The following LYPD3 variants were observed in gnomAD, a reference collection of about 807,000 sequenced individuals.
LYPD3 encodes LY6/PLAUR domain containing 3.
A neutral mutation model predicts 21.7 loss-of-function variants in LYPD3; 22 were observed. The observed-to-expected ratio is 1.01, with a 90% CI of 0.72 to 1.45. The LOEUF is 1.45. Among genes scored for constraint, LYPD3 ranks in the 40% most tolerant of loss-of-function variants. LYPD3 has a pLI of 0.00. For missense variants in LYPD3, 471 were observed against 466.9 expected (o/e 1.01, Z -0.08); for synonymous variants, 179 against 203.0 (o/e 0.88, Z 1.00).
Position 43,463,137 on chromosome 19 carries a change from G to A in LYPD3, c.533C>T (p.Thr178Ile). 1.9e-6 allele frequency: 3 copies of A among 1,612,046 alleles called. No individual in the cohort carries two copies. The highest frequency in any genetic ancestry group is 2.5e-6 in the Non-Finnish European group (3 of 1,179,990). The change falls in exon 4 of 5, where the codon ACC becomes ATC. Residue 178 changes from threonine (T) to isoleucine (I), a missense_variant. By Grantham distance (89) the Thr-to-Ile change is moderately conservative (BLOSUM62 -1). Coordinates refer to ENST00000244333, the MANE Select transcript of LYPD3 (RefSeq NM_014400.3). ...CGGGGCTCCCTCACCTGCCGTCAAGGTGACGTTGCCGTCGAAGCAGCCCTT... is the reference window on the plus strand; with the variant it reads ...CGGGGCTCCCTCACCTGCCGTCAAGATGACGTTGCCGTCGAAGCAGCCCTT... ...VYKGCFDGNV[T>I]LTAANVTVSL... is the part of the protein sequence containing the mutation.
At chr19:43,463,844 T>A in intron 2 of LYPD3, 75 bp from the exon 3 acceptor site, 1 of 1,447,966 alleles carries the variant, frequency 6.9e-7, no homozygotes, top group Non-Finnish European at 9.6e-7. Flanking sequence ...TTGGGTAGGG[T>A]CTGGGAGGGG....
Position 43,461,727 on chromosome 19 carries a change from T to C in LYPD3, c.665A>G (p.Asn222Ser). The change falls in exon 5 of 5, where the codon AAC becomes AGC. Residue 222 changes from asparagine (N) to serine (S), a missense_variant. Coordinates refer to ENST00000244333, the MANE Select transcript of LYPD3 (RefSeq NM_014400.3). ...SGSCCQGSRC[N>S]SDLRNKTYFS... The stretch of plus-strand genomic sequence containing the variant: ...GTAGGTCTTGTTGCGGAGGTCAGAG[T>C]TACAGCGGGACCCCTGGCAACAGGA... 1 of 1,613,526 alleles carries C rather than the reference T, an allele frequency of 6.2e-7. No homozygotes were observed. The highest frequency in any genetic ancestry group is 8.5e-7 in the Non-Finnish European group (1 of 1,179,834).
At chr19:43,463,841 G>A (rs556609946) in intron 2 of LYPD3, 72 bp from the exon 3 acceptor site, 2 of 1,459,792 alleles carry the variant, frequency 1.4e-6, no homozygotes, top group Admixed American at 1.7e-5. Context: ...GAGTTGGGTA[G>A]GGTCTGGGAG....
chr19:43,462,783 G>T (rs986396521), intron 4 of LYPD3, among the ~76,000 whole-genome samples: 1 of 152,204 alleles, frequency 6.6e-6, no homozygotes, highest in Non-Finnish European at 1.5e-5. Flanking sequence ...ACAGGCGGGG[G>T]ACCCCTTGAG....
Position 43,461,790 on chromosome 19 carries a change from C to G in LYPD3, c.602G>C (p.Arg201Pro). 11 of 1,614,088 alleles carry G rather than the reference C, an allele frequency of 6.8e-6. No homozygotes were observed. Among genetic ancestry groups the G allele is most frequent in the Non-Finnish European group, 9.3e-6 (11 of 1,179,994 alleles). The change falls in exon 5 of 5, where the codon CGG (arginine) becomes CCG (proline). Residue 201 changes from arginine to proline, a missense_variant. Coordinates refer to ENST00000244333, the MANE Select transcript of LYPD3 (RefSeq NM_014400.3). ...RGCVQDEFCT[R>P]DGVTGPGFTL... is the part of the protein sequence containing the mutation. ...GAACCCTGGGCCTGTTACTCCATCC[C>G]GAGTGCAGAATTCATCCTGGACACA...
intron 1 of LYPD3, 135 bp from the exon 2 acceptor site, chr19:43,464,591 G>T: frequency 1.7e-6 from 2 of 1,170,548 alleles, no homozygotes; most frequent in Non-Finnish European, 1.2e-6. Context: ...GGCAGGAGTA[G>T]GGAAAAGCTT....
chr19:43,463,855 C>G, intron 2 of LYPD3, 86 bp from the exon 3 acceptor site: 11 of 1,221,016 alleles, frequency 9.0e-6, no homozygotes, highest in South Asian at 1.2e-5. Context: ...CTGGGAGGGG[C>G]GGGGCCTCAA....
rs202084369 is a variant in LYPD3, at chr19:43,461,739, C to T, written c.653G>A (p.Gly218Glu). The change falls in exon 5 of 5, where the codon GGG becomes GAG. Residue 218 changes from glycine to glutamate, a missense_variant. Gly to Glu is a moderately conservative substitution (Grantham distance 98, BLOSUM62 -2). Coordinates refer to ENST00000244333, the MANE Select transcript of LYPD3 (RefSeq NM_014400.3). The part of the protein sequence containing the change: ...GFTLSGSCCQ[G>E]SRCNSDLRNK... ...GCGGAGGTCAGAGTTACAGCGGGACCCCTGGCAACAGGAGCCACTGAGCGT... is the reference window on the plus strand; with the variant it reads ...GCGGAGGTCAGAGTTACAGCGGGACTCCTGGCAACAGGAGCCACTGAGCGT... 85 of 1,614,098 alleles carry T rather than the reference C, an allele frequency of 5.3e-5. No homozygotes were observed. The East Asian group carries it at 1.7e-3, about 32-fold the overall frequency.
In LYPD3 at chr19:43,461,473, T is replaced by A. The variant is rs1448606709; in HGVS notation, c.919A>T (p.Ser307Cys). ...TGGAAGHQDR[S>C]NSGQYPAKGG... The stretch of plus-strand genomic sequence containing the variant: ...TTTGCAGGATACTGCCCTGAATTGC[T>A]GCGGTCCTGGTGGCCAGCGGCGCCT... Residue 307 changes from serine to cysteine, a missense_variant, in exon 5 of 5, where the codon AGC becomes TGC. By Grantham distance (112) the Ser-to-Cys change is moderately radical (BLOSUM62 -1). Coordinates refer to ENST00000244333, the MANE Select transcript of LYPD3 (RefSeq NM_014400.3). 6.2e-7 allele frequency: 1 copy of A among 1,614,210 alleles called. No homozygotes were observed. Among genetic ancestry groups the A allele is most frequent in the Non-Finnish European group, 8.5e-7 (1 of 1,180,044 alleles).
intron 1 of LYPD3, among the ~76,000 whole-genome samples, 169 bp downstream of exon 1, chr19:43,465,324 G>A (rs554797133): frequency 6.6e-6 from 1 of 152,200 alleles, no homozygotes; most frequent in South Asian, 2.1e-4. Context: ...GGCCCATGGT[G>A]GAGGACCCTT....
In LYPD3 at chr19:43,465,596, C is replaced by A; in HGVS notation, c.-25G>T. ...TGGCTCCGTCCTGCTCCCTTGGCGTCCCCCCTGGATGTGCCGCCTCCGAGC... is the reference window on the plus strand; with the variant it reads ...TGGCTCCGTCCTGCTCCCTTGGCGTACCCCCTGGATGTGCCGCCTCCGAGC... On this transcript the variant is annotated 5_prime_UTR_variant, in exon 1 of 5. Transcript: ENST00000244333. The A allele has an allele frequency of 2.5e-6, 4 of 1,602,128 alleles. No homozygotes were observed. The South Asian group carries it at 3.3e-5, about 13-fold the overall frequency.
In LYPD3 at chr19:43,461,663, AG is replaced by A. The variant is rs762554464; in HGVS notation, c.728del (p.Pro243LeufsTer21). 8 of 1,613,816 alleles carry A rather than the reference AG, an allele frequency of 5.0e-6. No homozygotes were observed. In the Admixed American group the frequency reaches 5.0e-5, roughly 10 times the overall value. On this transcript the variant is annotated frameshift_variant, in exon 5 of 5. Transcript: ENST00000244333. LOFTEE classifies it low-confidence loss of function (END_TRUNC). ...TTGAGGCCACAGTCGTGGGCTCTGG[AG>A]GGGGCAGCCGGACAAGGGGTGGGAT... is the stretch of plus-strand genomic sequence containing the variant. ...PRIPPLVRLP[P>X]PEPTTVASTT...
In LYPD3 at chr19:43,465,604, G is replaced by C; in HGVS notation, c.-33C>G. The C allele has an allele frequency of 6.3e-7, 1 of 1,599,760 alleles. No individual in the cohort carries two copies. The highest frequency in any genetic ancestry group is 1.1e-5 in the South Asian group (1 of 90,716). On this transcript the variant is annotated 5_prime_UTR_variant, in exon 1 of 5. In the 5' UTR this introduces an upstream ATG that the reference lacks. Transcript: ENST00000244333. ...TCCTGCTCCCTTGGCGTCCCCCCTGGATGTGCCGCCTCCGAGCTCGGGCCC... is the reference window on the plus strand; with the variant it reads ...TCCTGCTCCCTTGGCGTCCCCCCTGCATGTGCCGCCTCCGAGCTCGGGCCC...
Position 43,463,719 on chromosome 19 carries a change from CG to C in LYPD3, c.261del (p.Gly88AlafsTer59). The C allele has an allele frequency of 6.2e-7, 1 of 1,613,228 alleles. No homozygotes were observed. The highest frequency in any genetic ancestry group is 8.5e-7 in the Non-Finnish European group (1 of 1,180,020). On this transcript the variant is annotated frameshift_variant, in exon 3 of 5. Coordinates refer to ENST00000244333, the MANE Select transcript of LYPD3 (RefSeq NM_014400.3). LOFTEE classifies it high-confidence loss of function. Reference sequence around the variant, plus strand: ...AGATCCAGGCCGCGGTCATTCTTGCCGGGGAGTCCCGAACCGCAACCCCGCA... The same window carrying C: ...AGATCCAGGCCGCGGTCATTCTTGCCGGGAGTCCCGAACCGCAACCCCGCA... ...LAVRGCGSGL[P>X]GKNDRGLDLH...
intron 4 of LYPD3, among the ~76,000 whole-genome samples, chr19:43,462,821 C>T (rs1332838111): frequency 6.6e-6 from 1 of 152,176 alleles, no homozygotes; most frequent in African/African-American, 2.4e-5. Flanking sequence ...TAGAGATTCC[C>T]CGCAGTGCCT....
rs761768796 is a variant in LYPD3 at position 43,463,125 on chromosome 19, C to A, written c.544+1G>T. The A allele has an allele frequency of 3.1e-6, 5 of 1,611,756 alleles. No individual in the cohort carries two copies. In the Admixed American group the frequency reaches 6.7e-5, roughly 21 times the overall value. Reference sequence around the variant, plus strand: ...GGTCCCGTGCTCCGGGGCTCCCTCACCTGCCGTCAAGGTGACGTTGCCGTC... The same window carrying A: ...GGTCCCGTGCTCCGGGGCTCCCTCAACTGCCGTCAAGGTGACGTTGCCGTC... On this transcript the variant is annotated splice_donor_variant, in intron 4 of 4. Transcript: ENST00000244333. LOFTEE classifies it high-confidence loss of function.
intron 1 of LYPD3, 98 bp from the exon 2 acceptor site, chr19:43,464,554 A>G: frequency 6.6e-7 from 1 of 1,506,486 alleles, no homozygotes; most frequent in Non-Finnish European, 9.1e-7. Flanking sequence ...CCGGGATTAG[A>G]CAGTCTTATT....
chr19:43,463,344 C>G (rs771170712), intron 3 of LYPD3, 57 bp from the exon 4 acceptor site: 9 of 1,568,902 alleles, frequency 5.7e-6, no homozygotes, highest in Non-Finnish European at 7.8e-6. Context: ...AACCGCAGCT[C>G]GTCCTCTAGC....
Position 43,461,603 on chromosome 19 carries a change from C to T in LYPD3, c.789G>A (p.Val263=). ...TGGGTTTGGTGGTGGATGTGGGTCT[C>T]ACTGGGGCCGAGGTAGAAGTGGTGA... ...TSVTTSTSAP[V]RPTSTTKPMP... Residue 263 remains valine, a synonymous_variant, in exon 5 of 5, where the codon GTG becomes GTA. Coordinates refer to ENST00000244333, the MANE Select transcript of LYPD3 (RefSeq NM_014400.3). 2.5e-6 allele frequency: 4 copies of T among 1,614,132 alleles called. No homozygotes were observed. The highest frequency in any genetic ancestry group is 3.4e-6 in the Non-Finnish European group (4 of 1,180,008).
Sources: allele counts gnomAD v4.1 joint callset (sites outside exome capture counted in the v4.1 genomes callset), GRCh38; gene constraint gnomAD v4.1.1; transcripts MANE v1.5; gene names NCBI Gene and HGNC (gene_info 2026-07-23, HGNC 2026-07-21).